Variants in NEBL observed in about 807,000 individuals in gnomAD.
NEBL encodes the protein LIM and SH3 protein 2.
NEBL carries 122 observed loss-of-function variants against 140.2 expected under a neutral mutation model. The observed-to-expected ratio is 0.87, with a 90% confidence interval of 0.75 to 1.01. NEBL has a LOEUF of 1.01. Ranked by LOEUF, NEBL falls within the 50% of genes least tolerant of loss-of-function variation. NEBL has a pLI of 0.00. For missense variants in NEBL, 1,365 were observed against 1,231.3 expected (o/e 1.11, Z -1.62); for synonymous variants, 436 against 398.9 (o/e 1.09, Z -1.11).
intron 1 of NEBL, among the ~76,000 whole-genome samples, chr10:21,288,383 A>G (rs1843089686): frequency 1.3e-5 from 2 of 151,900 alleles, no homozygotes; most frequent in Admixed American, 6.6e-5. Flanking sequence ...CAGGAGAATC[A>G]CTTGAACCCA....
chr10:21,262,335 C>A (rs1478466240), intron 1 of NEBL, among the ~76,000 whole-genome samples: 1 of 152,142 alleles, frequency 6.6e-6, no homozygotes, highest in Non-Finnish European at 1.5e-5. Context: ...TGCCTCTGCA[C>A]AAGAAGTTTG....
chr10:21,270,366 A>G (rs1842847076), intron 1 of NEBL, among the ~76,000 whole-genome samples: 2 of 121,322 alleles, frequency 1.6e-5, no homozygotes, highest in Non-Finnish European at 3.4e-5. Flanking sequence ...ACTATTTTCC[A>G]TATTTTTTTT....
intron 2 of NEBL, among the ~76,000 whole-genome samples, chr10:21,133,123 ATT>A (rs1839192292): frequency 6.6e-6 from 1 of 152,114 alleles, no homozygotes; most frequent in African/African-American, 2.4e-5. Flanking sequence ...TCTTTAGCCC[ATT>A]TTGAGTTAAT....
At chr10:21,153,895 G>T (rs538327778) in intron 2 of NEBL, among the ~76,000 whole-genome samples, 2 of 152,010 alleles carry the variant, frequency 1.3e-5, no homozygotes, top group Non-Finnish European at 2.9e-5. Flanking sequence ...GTAGGACCTC[G>T]TTATATTTGT....
At chr10:20,930,212 C>A (rs1189378200) in intron 4 of NEBL, among the ~76,000 whole-genome samples, 1 of 152,158 alleles carries the variant, frequency 6.6e-6, no homozygotes. Flanking sequence ...GCTGACTAGC[C>A]ATTCCACTCA....
chr10:20,820,393 A>T (rs1318915340), intron 19 of NEBL, among the ~76,000 whole-genome samples: 1 of 152,254 alleles, frequency 6.6e-6, no homozygotes, highest in Admixed American at 6.5e-5. Context: ...TTTGGCAGAC[A>T]AAAGTAGAGC....
chr10:20,879,977 C>T (rs555993165), intron 5 of NEBL, among the ~76,000 whole-genome samples: 49 of 152,320 alleles, frequency 3.2e-4, no homozygotes, highest in Middle Eastern at 3.4e-3. Flanking sequence ...TGACTTCCTC[C>T]GTTTTGGCTT....
intron 13 of NEBL, among the ~76,000 whole-genome samples, chr10:20,840,191 T>C (rs1564371456): frequency 6.6e-6 from 1 of 152,110 alleles, no homozygotes; most frequent in African/African-American, 2.4e-5. Context: ...CAAAGTCTCT[T>C]AAAAGCACAG....
intron 4 of NEBL, among the ~76,000 whole-genome samples, chr10:20,942,634 C>T (rs949644562): frequency 2.0e-5 from 3 of 152,098 alleles, no homozygotes; most frequent in Non-Finnish European, 4.4e-5. Context: ...AAAGAAACTA[C>T]CATCAGAGTG....
At chr10:21,226,504 C>T (rs937731827) in intron 3 of NEBL, among the ~76,000 whole-genome samples, 8 of 152,118 alleles carry the variant, frequency 5.3e-5, no homozygotes, top group Non-Finnish European at 5.9e-5. Context: ...ATTTAGAGCC[C>T]CAGAGCACTT....
chr10:21,252,384 GTTGA>G, intron 1 of NEBL, among the ~76,000 whole-genome samples: 1 of 152,302 alleles, frequency 6.6e-6, no homozygotes, highest in South Asian at 2.1e-4. Context: ...GCAGAATTAT[GTTGA>G]TTGATTGATT....
chr10:20,791,837 A>T (rs1314814140), intron 26 of NEBL, among the ~76,000 whole-genome samples: 2 of 152,326 alleles, frequency 1.3e-5, no homozygotes, highest in East Asian at 3.9e-4. Flanking sequence ...ACTGGGGGGG[A>T]TGTACGCAGA....
intron 3 of NEBL, among the ~76,000 whole-genome samples, chr10:21,231,887 T>G (rs114944365): frequency 0.04 from 6,115 of 152,128 alleles, 186 homozygotes; most frequent in South Asian, 0.14. Flanking sequence ...CTTGAAAACT[T>G]AATTCCCAGG....
intron 3 of NEBL, among the ~76,000 whole-genome samples, chr10:21,019,908 T>A (rs888555725): frequency 3.3e-5 from 5 of 152,158 alleles, no homozygotes; most frequent in African/African-American, 1.2e-4. Context: ...CCAACGTGAA[T>A]AACAAAACTG....
At chr10:21,064,083 C>G (rs1055403894) in intron 2 of NEBL, among the ~76,000 whole-genome samples, 23 of 151,942 alleles carry the variant, frequency 1.5e-4, no homozygotes, top group African/African-American at 5.6e-4. Context: ...GAAAAGCTTT[C>G]TGGAGTTAAG....
intron 3 of NEBL, among the ~76,000 whole-genome samples, chr10:21,007,504 T>C (rs1259798966): frequency 6.6e-6 from 1 of 152,240 alleles, no homozygotes; most frequent in Non-Finnish European, 1.5e-5. Flanking sequence ...CTTATAAGAC[T>C]CTTGCTTTTT....
At chr10:21,088,798 C>T (rs571942801) in intron 2 of NEBL, among the ~76,000 whole-genome samples, 11 of 152,196 alleles carry the variant, frequency 7.2e-5, no homozygotes, top group Non-Finnish European at 1.5e-4. Flanking sequence ...AGGCCAGCAA[C>T]TAAGATAAGA....
intron 4 of NEBL, among the ~76,000 whole-genome samples, chr10:20,953,007 C>A (rs1835578852): frequency 6.6e-6 from 1 of 151,246 alleles, no homozygotes; most frequent in Non-Finnish European, 1.5e-5. Context: ...TTATGTGACA[C>A]TTTGGATATT....
At chr10:21,058,964 C>T (rs1360755754) in intron 2 of NEBL, among the ~76,000 whole-genome samples, 3 of 151,962 alleles carry the variant, frequency 2.0e-5, no homozygotes, top group African/African-American at 7.3e-5. Context: ...CTTGATCTGC[C>T]TATATATTGG....
Sources: allele counts gnomAD v4.1 joint callset (sites outside exome capture counted in the v4.1 genomes callset), GRCh38; gene constraint gnomAD v4.1.1; transcripts MANE v1.5; gene names NCBI Gene and HGNC (gene_info 2026-07-23, HGNC 2026-07-21).